BAIAP2L1: variants seen among roughly 807,000 people sequenced by gnomAD.
The protein encoded by BAIAP2L1 is BAR/IMD domain containing adaptor protein 2 like 1, also known as BAR/IMD domain-containing adapter protein 2-like 1.
A neutral mutation model predicts 66.3 loss-of-function variants in BAIAP2L1; 35 were observed. That is an observed-to-expected ratio of 0.53 (90% CI 0.40 to 0.70). The LOEUF is 0.70. Ranked by LOEUF, BAIAP2L1 falls within the 30% of genes least tolerant of loss-of-function variation. The pLI is 0.00. For missense variants in BAIAP2L1, 622 were observed against 656.9 expected, an observed-to-expected ratio of 0.95 and a Z score of 0.58; for synonymous variants, 269 against 248.7, an observed-to-expected ratio of 1.08 and a Z score of -0.77.
Position 98,293,165 on chromosome 7 carries a change from C to T in BAIAP2L1, c.*356G>A, listed in dbSNP as rs1251943133. 3 of 287,634 alleles carry T rather than the reference C, an allele frequency of 1.0e-5. No individual in the cohort carries two copies. Among genetic ancestry groups the T allele is most frequent in the African/African-American group, 2.2e-5 (1 of 45,792 alleles). 17.8% of individuals were successfully genotyped at this position (287,634 alleles called of 1,614,324 possible). ...AAACTGGTCTCATTCATATCAGGTG[C>T]AGAAAGCCAGTCCTGAAAGCATAGA... On this transcript the variant is annotated 3_prime_UTR_variant, in exon 14 of 14. Transcript: ENST00000005260.
intron 4 of BAIAP2L1, 32 bp from the exon 5 acceptor site, chr7:98,320,161 G>A: frequency 1.3e-6 from 2 of 1,597,600 alleles, no homozygotes; most frequent in Non-Finnish European, 1.7e-6. Context: ...TTCATACCAG[G>A]TTTGAGATTT....
chr7:98,355,161 C>A, intron 2 of BAIAP2L1, 33 bp from the exon 3 acceptor site: 2 of 1,469,270 alleles, frequency 1.4e-6, no homozygotes, highest in Non-Finnish European at 1.9e-6. Flanking sequence ...AAAATCGTCA[C>A]TTAGACAAGG....
rs2116882324 is a variant in BAIAP2L1 at position 98,313,673 on chromosome 7, C to T, written c.640-1409G>A. 2.0e-5 allele frequency among the ~76,000 whole-genome samples: 3 copies of T among 152,278 alleles called. 1 individual carries two copies. In the Middle Eastern group the frequency reaches 0.01, roughly 518 times the overall value. On this transcript the variant is annotated intron_variant, in intron 7 of 13. Transcript: ENST00000005260. ...TGGCTCTGTCACCCAGGCTGGAGTG[C>T]ACTGGCACAATCACAGCTCACTGCA...
chr7:98,333,294 G>A (rs1801542567), intron 3 of BAIAP2L1, among the ~76,000 whole-genome samples: 1 of 152,142 alleles, frequency 6.6e-6, no homozygotes, highest in South Asian at 2.1e-4. Context: ...GACAGGAGAT[G>A]TTCATTTAAA....
intron 3 of BAIAP2L1, among the ~76,000 whole-genome samples, chr7:98,333,160 T>G (rs934668039): frequency 6.6e-6 from 1 of 152,110 alleles, no homozygotes; most frequent in African/African-American, 2.4e-5. Flanking sequence ...CAGTGGCCCC[T>G]TGCCTTATTA....
Position 98,294,129 on chromosome 7 carries a change from A to G in BAIAP2L1, c.1423-18T>C, listed in dbSNP as rs758886875. 1.9e-6 allele frequency: 3 copies of G among 1,613,172 alleles called. No individual in the cohort carries two copies. In the South Asian group the frequency reaches 3.3e-5, roughly 18 times the overall value. ...GCATCGTTCTGTGAGAAAGATAAAGAAGTTTATGGAGGGCTTAGAATTGGT... is the reference window on the plus strand; with the variant it reads ...GCATCGTTCTGTGAGAAAGATAAAGGAGTTTATGGAGGGCTTAGAATTGGT... On this transcript the variant is annotated intron_variant, in intron 12 of 13. Transcript: ENST00000005260.
chr7:98,400,253 A>C (rs1462974901), intron 1 of BAIAP2L1: 1 of 123,104 alleles, frequency 8.1e-6, no homozygotes, highest in Non-Finnish European at 1.6e-5. Context: ...AGGGAAGAGG[A>C]GAAGGGACGG....
intron 6 of BAIAP2L1, 138 bp from the exon 7 acceptor site, chr7:98,315,750 G>T: frequency 2.7e-6 from 1 of 374,124 alleles, no homozygotes; most frequent in Non-Finnish European, 4.3e-6. Context: ...TGAGAGGAAA[G>T]AATGCTGTAA....
chr7:98,390,979 G>A (rs535210776), intron 1 of BAIAP2L1, among the ~76,000 whole-genome samples: 77 of 149,090 alleles, frequency 5.2e-4, no homozygotes, highest in Non-Finnish European at 9.1e-4. Context: ...GACTACAGGC[G>A]CACTCCACCA....
At chr7:98,348,451 C>T (rs1231640276) in intron 3 of BAIAP2L1, among the ~76,000 whole-genome samples, 2 of 151,446 alleles carry the variant, frequency 1.3e-5, no homozygotes, top group African/African-American at 2.4e-5. Flanking sequence ...CCTATAACCC[C>T]AGCTACTCAG....
chr7:98,398,397 TG>T (rs776994166), intron 1 of BAIAP2L1, among the ~76,000 whole-genome samples: 40 of 151,948 alleles, frequency 2.6e-4, no homozygotes, highest in Non-Finnish European at 3.4e-4. Flanking sequence ...AGCCAAAGCA[TG>T]GGCTAGCAGC....
chr7:98,294,279 C>T (rs1296583944), intron 12 of BAIAP2L1, among the ~76,000 whole-genome samples, 168 bp from the exon 13 acceptor site: 3 of 152,126 alleles, frequency 2.0e-5, no homozygotes, highest in Admixed American at 6.5e-5. Flanking sequence ...AGGTGTGAGC[C>T]GCTGCGACTG....
chr7:98,390,645 T>C (rs1196886628), intron 1 of BAIAP2L1, among the ~76,000 whole-genome samples: 2 of 151,326 alleles, frequency 1.3e-5, no homozygotes, highest in African/African-American at 4.8e-5. Context: ...GGCAGGAGAA[T>C]GGCGTGAACC....
At chr7:98,389,415 T>A (rs1220853766) in intron 1 of BAIAP2L1, among the ~76,000 whole-genome samples, 2 of 152,064 alleles carry the variant, frequency 1.3e-5, no homozygotes, top group East Asian at 1.9e-4. Context: ...GCCTCCCAGG[T>A]TCAAGCAATT....
chr7:98,360,172 C>G (rs1173602247), intron 2 of BAIAP2L1, among the ~76,000 whole-genome samples: 3 of 152,034 alleles, frequency 2.0e-5, no homozygotes, highest in African/African-American at 7.3e-5. Flanking sequence ...ATCTGCCCAC[C>G]TCGGCCTCCC....
In BAIAP2L1 at chr7:98,393,091, A is replaced by C. The variant is rs1380289669; in HGVS notation, c.51+7711T>G. 2.6e-5 allele frequency among the ~76,000 whole-genome samples: 3 copies of C among 113,508 alleles called. 1 individual carries two copies. The highest frequency in any genetic ancestry group is 8.0e-5 in the African/African-American group (2 of 24,978). 74.5% of individuals were successfully genotyped at this position (113,508 alleles called of 152,430 possible). ...TATATGTATACACACACATATATAC[A>C]TATATACGTGTACATATATGTACAC... On this transcript the variant is annotated intron_variant, in intron 1 of 13. Coordinates refer to ENST00000005260, the MANE Select transcript of BAIAP2L1 (RefSeq NM_018842.5).
At position 98,293,531 on chromosome 7, in the gene BAIAP2L1, A is replaced by G. The variant is rs1800056154; in HGVS notation, c.1526T>C (p.Ile509Thr). ...PTVTNDRSAP[I>T]IR The stretch of plus-strand genomic sequence containing the variant: ...TCCTTGGCTGTCCTCTCATCGAATG[A>G]TGGGTGCCGAGCGATCATTCGTCAC... Residue 509 changes from isoleucine to threonine, a missense_variant, in exon 14 of 14, where the codon ATC becomes ACC. Ile to Thr is a moderately conservative substitution (Grantham distance 89, BLOSUM62 -1). Coordinates refer to ENST00000005260, the MANE Select transcript of BAIAP2L1 (RefSeq NM_018842.5). 6.2e-7 allele frequency: 1 copy of G among 1,613,416 alleles called. No homozygotes were observed. The highest frequency in any genetic ancestry group is 1.3e-5 in the African/African-American group (1 of 75,036).
Position 98,307,900 on chromosome 7 carries a change from T to C in BAIAP2L1, c.956-4A>G, listed in dbSNP as rs377026754. ...AAACTGGGATCTTCGGAAGTACCTG[T>C]TGGAGGGAGTGTAGCAGTAATGGCT... is the stretch of plus-strand genomic sequence containing the variant. On this transcript the variant is annotated splice_region_variant and splice_polypyrimidine_tract_variant and intron_variant, in intron 9 of 13. Transcript: ENST00000005260. The C allele has an allele frequency of 1.2e-6, 2 of 1,614,010 alleles. No homozygotes were observed. The highest frequency in any genetic ancestry group is 1.3e-5 in the African/African-American group (1 of 74,942).
In BAIAP2L1 at chr7:98,292,314, C is replaced by T. The variant is rs1004256888; in HGVS notation, c.*1207G>A. 24 of 338,460 alleles carry T rather than the reference C, an allele frequency of 7.1e-5. No homozygotes were observed. Among genetic ancestry groups the T allele is most frequent in the African/African-American group, 3.4e-4 (16 of 46,766 alleles). 21.0% of individuals were successfully genotyped at this position (338,460 alleles called of 1,614,324 possible). ...CTGGCTCACTGCAACCTCTGCCTCC[C>T]GGGTTCAAGTGATTCTCCTGCCTCA... On this transcript the variant is annotated 3_prime_UTR_variant, in exon 14 of 14. Coordinates refer to ENST00000005260, the MANE Select transcript of BAIAP2L1 (RefSeq NM_018842.5).
Sources: gnomAD v4.1 joint callset for allele counts (sites outside exome capture counted in the v4.1 genomes callset) on GRCh38, gnomAD v4.1.1 for gene constraint, MANE v1.5 for transcripts, NCBI Gene and HGNC (gene_info 2026-07-23, HGNC 2026-07-21) for gene names.